MAST4: variants seen among roughly 807,000 people sequenced by gnomAD.
MAST4 encodes microtubule associated serine/threonine kinase family member 4.
In MAST4, 89 loss-of-function variants were observed where a neutral mutation model predicts 162.7. That is an observed-to-expected ratio of 0.55 (90% CI 0.46 to 0.65). MAST4 has a LOEUF of 0.65. Ranked by LOEUF, MAST4 falls within the 30% of genes least tolerant of loss-of-function variation. The probability of loss-of-function intolerance (pLI) is 0.00; values close to 1 mark genes in which losing one functional copy is unlikely to be tolerated. For missense variants in MAST4, 3,153 were observed against 3,374.0 expected (o/e 0.93, Z 1.62); for synonymous variants, 1,479 against 1,361.1 (o/e 1.09, Z -1.91).
At chr5:66,970,545 C>A in intron 4 of MAST4, among the ~76,000 whole-genome samples, 1 of 152,312 alleles carries the variant, frequency 6.6e-6, no homozygotes, top group East Asian at 1.9e-4. Flanking sequence ...TAGACACCTA[C>A]ATGTTCCAGG....
intron 3 of MAST4, among the ~76,000 whole-genome samples, chr5:66,875,736 T>C (rs1761253593): frequency 6.6e-6 from 1 of 152,208 alleles, no homozygotes; most frequent in Non-Finnish European, 1.5e-5. Context: ...TTATTAAAAG[T>C]CTATACAGTT....
At chr5:66,906,835 T>C (rs116335183) in intron 4 of MAST4, among the ~76,000 whole-genome samples, 1,811 of 152,254 alleles carry the variant, frequency 0.012, 36 homozygotes, top group African/African-American at 0.041. Flanking sequence ...TAATTTTGCC[T>C]TTCTTGGTTA....
intron 1 of MAST4, among the ~76,000 whole-genome samples, chr5:66,735,660 A>G (rs549722677): frequency 1.3e-5 from 2 of 152,242 alleles, no homozygotes; most frequent in East Asian, 1.9e-4. Flanking sequence ...TTTTATGTGA[A>G]TATGTTTTTA....
At chr5:67,075,271 A>T (rs1270264141) in intron 5 of MAST4, among the ~76,000 whole-genome samples, 2 of 151,010 alleles carry the variant, frequency 1.3e-5, no homozygotes, top group Admixed American at 6.6e-5. Context: ...CCTCAGGCTC[A>T]GGTGATCCTC....
intron 5 of MAST4, among the ~76,000 whole-genome samples, chr5:67,074,295 ATAT>A (rs1483334504): frequency 1.3e-5 from 2 of 152,162 alleles, no homozygotes; most frequent in African/African-American, 4.8e-5. Context: ...AAACATGGTA[ATAT>A]TCATTTCTGA....
chr5:66,628,590 T>C (rs1744599315), intron 1 of MAST4, among the ~76,000 whole-genome samples: 1 of 152,090 alleles, frequency 6.6e-6, no homozygotes, highest in Admixed American at 6.5e-5. Flanking sequence ...TATTATTTTT[T>C]TTACCTTCAA....
rs929330388 is a variant in MAST4 at position 66,975,741 on chromosome 5, C to T, written c.674+75759C>T. Among the ~76,000 whole-genome samples the T allele has an allele frequency of 1.1e-4, 16 of 152,282 alleles. No individual in the cohort carries two copies. In the East Asian group the frequency reaches 2.9e-3, roughly 28 times the overall value. On this transcript the variant is annotated intron_variant, in intron 4 of 28. Coordinates refer to ENST00000403625, the MANE Select transcript of MAST4 (RefSeq NM_001164664.2). ...GGGCACGGTGGCTCATGCCTGTAAT[C>T]CCAGCACTTTGGGAGGCCGAAGCAG...
At chr5:66,949,436 G>A (rs1368036105) in intron 4 of MAST4, among the ~76,000 whole-genome samples, 2 of 152,126 alleles carry the variant, frequency 1.3e-5, no homozygotes, top group South Asian at 2.1e-4. Flanking sequence ...AGGGGCTTCC[G>A]CCTTCACTCG....
At chr5:66,980,927 C>A (rs1748729431) in intron 4 of MAST4, among the ~76,000 whole-genome samples, 1 of 152,146 alleles carries the variant, frequency 6.6e-6, no homozygotes, top group Non-Finnish European at 1.5e-5. Flanking sequence ...AGTAACAAGT[C>A]ACCCCCTCTT....
Position 66,788,653 on chromosome 5 carries a change from C to T in MAST4, c.518-17C>T, listed in dbSNP as rs1290745077. ...GGCTGCCTGTCACTTACATTTTCTT[C>T]TCTTTAACTCCAACAGGGAGGTACC... On this transcript the variant is annotated splice_polypyrimidine_tract_variant and intron_variant, in intron 2 of 28. Coordinates refer to ENST00000403625, the MANE Select transcript of MAST4 (RefSeq NM_001164664.2). The T allele has an allele frequency of 1.7e-5, 23 of 1,342,114 alleles. No homozygotes were observed. The highest frequency in any genetic ancestry group is 2.1e-4 in the Middle Eastern group (1 of 4,698). The allele number at this position is 1,342,114 out of a possible 1,614,324, so 83.1% of individuals were successfully genotyped here. A position where few individuals can be genotyped will look rare whatever the true frequency, so the allele number is the denominator to read the frequency against.
chr5:67,163,136 T>C lies in MAST4; in HGVS notation c.3968-11T>C. 6.3e-7 allele frequency: 1 copy of C among 1,591,156 alleles called. No homozygotes were observed. Reference sequence around the variant, plus strand: ...CATGGATGCTCACAGCCTTCTGTTTTCCATCCACAGGTACTAATTCCTCCC... The same window carrying C: ...CATGGATGCTCACAGCCTTCTGTTTCCCATCCACAGGTACTAATTCCTCCC... On this transcript the variant is annotated splice_polypyrimidine_tract_variant and intron_variant, in intron 28 of 28. Coordinates refer to ENST00000403625, the MANE Select transcript of MAST4 (RefSeq NM_001164664.2). The surrounding 1 kb of genome is among the most constrained non-coding windows in gnomAD (Gnocchi z 7.0).
chr5:67,156,188 G>A (rs1362838132), intron 26 of MAST4, among the ~76,000 whole-genome samples: 1 of 152,078 alleles, frequency 6.6e-6, no homozygotes, highest in African/African-American at 2.4e-5. Flanking sequence ...ACCTTCTGAG[G>A]TGGGTGCTAT....
At chr5:66,775,196 G>A (rs1450697935) in intron 2 of MAST4, among the ~76,000 whole-genome samples, 1 of 152,118 alleles carries the variant, frequency 6.6e-6, no homozygotes, top group Non-Finnish European at 1.5e-5. Context: ...AATAATGGGA[G>A]ATTTAATGCA....
chr5:66,667,855 A>G (rs1747362043), intron 1 of MAST4, among the ~76,000 whole-genome samples: 1 of 152,172 alleles, frequency 6.6e-6, no homozygotes, highest in Non-Finnish European at 1.5e-5. Context: ...AATGCAATCC[A>G]TTTTCATGTA....
intron 1 of MAST4, among the ~76,000 whole-genome samples, chr5:66,702,345 C>A (rs980546672): frequency 1.3e-5 from 2 of 152,170 alleles, no homozygotes; most frequent in Admixed American, 6.5e-5. Flanking sequence ...TGAAGATAGT[C>A]TTTCCTCTCA....
chr5:67,012,116 G>A (rs995914111), intron 4 of MAST4, among the ~76,000 whole-genome samples: 9 of 152,208 alleles, frequency 5.9e-5, no homozygotes, highest in Admixed American at 4.6e-4. Context: ...TAATGGTTTT[G>A]CTTGCTTCTC....
chr5:66,655,071 TG>T (rs1050697144), intron 1 of MAST4, among the ~76,000 whole-genome samples: 10 of 152,296 alleles, frequency 6.6e-5, no homozygotes, highest in South Asian at 2.1e-4. Context: ...ATTCATTCCT[TG>T]GTTTTACCTT....
chr5:66,896,066 C>G lies in MAST4; in HGVS notation c.643-3885C>G, dbSNP rs146838008. The stretch of plus-strand genomic sequence containing the variant: ...AATGTCCTTTTTCTGATTGAGAATC[C>G]AATTCAAGATTTTTCATTTATTCAG... On this transcript the variant is annotated intron_variant, in intron 3 of 28. Transcript: ENST00000403625. Among the ~76,000 whole-genome samples, 755 of 152,246 alleles carry G rather than the reference C, an allele frequency of 5.0e-3. 2 individuals are homozygous for G. The highest frequency in any genetic ancestry group is 7.0e-3 in the Non-Finnish European group (477 of 68,018).
intron 5 of MAST4, among the ~76,000 whole-genome samples, chr5:67,088,535 T>A (rs905204840): frequency 4.6e-5 from 7 of 152,246 alleles, no homozygotes; most frequent in African/African-American, 1.7e-4. Context: ...TAAAGGAATA[T>A]GAGGAGAAGT....
Sources: allele counts gnomAD v4.1 joint callset (sites outside exome capture counted in the v4.1 genomes callset), GRCh38; gene constraint gnomAD v4.1.1; non-coding constraint Gnocchi (gnomAD v3.1); transcripts MANE v1.5; gene names NCBI Gene and HGNC (gene_info 2026-07-23, HGNC 2026-07-21).